Variants in ITGB2 observed in about 807,000 individuals in gnomAD.
ITGB2 encodes integrin subunit beta 2.
In ITGB2, 56 loss-of-function variants were observed where a neutral mutation model predicts 86.8. The ratio of observed to expected loss-of-function variants is 0.65; its 90% CI spans 0.52 to 0.81. ITGB2 has a LOEUF of 0.81. Among genes scored for constraint, ITGB2 ranks in the 30% least tolerant of loss-of-function variants. The pLI, the probability that ITGB2 is intolerant of heterozygous loss-of-function variation, is 0.00. For missense variants in ITGB2, 948 were observed against 1,061.2 expected (o/e 0.89, Z 1.48); for synonymous variants, 457 against 450.4 (o/e 1.01, Z -0.19).
At chr21:44,899,545 G>A (rs1018282311) in intron 7 of ITGB2, among the ~76,000 whole-genome samples, 6 of 114,094 alleles carry the variant, frequency 5.3e-5, no homozygotes, top group African/African-American at 2.4e-4. Context: ...TCCGGGACCC[G>A]AGGGCCGTCC....
In ITGB2 at chr21:44,901,479, G is replaced by C; in HGVS notation, c.741+13C>G. The C allele has an allele frequency of 6.2e-7, 1 of 1,613,350 alleles. No individual in the cohort carries two copies. The highest frequency in any genetic ancestry group is 1.7e-5 in the Admixed American group (1 of 59,962). ...GGGGAACGTGGGGACCCAAGCAGGG[G>C]CAGCGGCCTCACCGGGCAGGCGGCG... On this transcript the variant is annotated intron_variant, in intron 6 of 15. Coordinates refer to ENST00000652462, the MANE Select transcript of ITGB2 (RefSeq NM_000211.5).
At chr21:44,898,701 T>C (rs2083903577) in intron 8 of ITGB2, among the ~76,000 whole-genome samples, 3 of 152,252 alleles carry the variant, frequency 2.0e-5, no homozygotes, top group Non-Finnish European at 4.4e-5. Flanking sequence ...TTTTGTGTAA[T>C]TTTATCTTCA....
At chr21:44,925,996 T>A (rs1229898383) in intron 1 of ITGB2, among the ~76,000 whole-genome samples, 1 of 152,108 alleles carries the variant, frequency 6.6e-6, no homozygotes, top group East Asian at 1.9e-4. Flanking sequence ...TCCCAGCTAC[T>A]TGGGAGGCTG....
chr21:44,889,065 G>T, intron 13 of ITGB2, 170 bp from the exon 14 acceptor site: 1 of 709,278 alleles, frequency 1.4e-6, no homozygotes, highest in Non-Finnish European at 2.4e-6. Context: ...TGAACTGGAA[G>T]CCTGATCCCA....
At chr21:44,897,504 C>A (rs956725822) in intron 8 of ITGB2, among the ~76,000 whole-genome samples, 2 of 152,202 alleles carry the variant, frequency 1.3e-5, no homozygotes, top group Non-Finnish European at 2.9e-5. Flanking sequence ...TAATCGGGCC[C>A]TTTAGGGCGG....
intron 4 of ITGB2, 112 bp from the exon 5 acceptor site, chr21:44,903,647 A>C (rs981500664): frequency 4.3e-5 from 55 of 1,274,542 alleles, no homozygotes; most frequent in Middle Eastern, 2.2e-4. Context: ...CCAGCCCCCA[A>C]ATCCTCCTGA....
At chr21:44,907,813 G>A (rs1003927459) in intron 3 of ITGB2, among the ~76,000 whole-genome samples, 1 of 152,236 alleles carries the variant, frequency 6.6e-6, no homozygotes, top group Admixed American at 6.5e-5. Context: ...CCCGCAGGCA[G>A]GGGGGCAGGT....
chr21:44,899,102 AGATGGGCTG>A lies in ITGB2; in HGVS notation c.949_957del (p.Gln317_Ile319del). 1 of 1,614,200 alleles carries A rather than the reference AGATGGGCTG, an allele frequency of 6.2e-7. No individual in the cohort carries two copies. Among genetic ancestry groups the A allele is most frequent in the Non-Finnish European group, 8.5e-7 (1 of 1,180,008 alleles). On this transcript the variant is annotated inframe_deletion, in exon 8 of 16. Transcript: ENST00000652462. ...TTCACCATCCTACTGGTCACCGCGAAGATGGGCTGGATGTTGTTTTCAGCCAGCTTGTGC... is the reference window on the plus strand; with the variant it reads ...TTCACCATCCTACTGGTCACCGCGAAGATGTTGTTTTCAGCCAGCTTGTGC...
rs1375507291 is a variant in ITGB2, at chr21:44,901,525, C to A, written c.708G>T (p.Gly236=). 6.2e-7 allele frequency: 1 copy of A among 1,614,226 alleles called. No individual in the cohort carries two copies. The stretch of plus-strand genomic sequence containing the variant: ...CGGCGACCTGCATCATGGCGTCCAG[C>A]CCACCCTCGGGTGCATCCAGGTTTC... The part of the protein sequence containing the change: ...ISGNLDAPEG[G]LDAMMQVAAC... The change falls in exon 6 of 16, where the codon GGG becomes GGT. Residue 236 remains glycine, a synonymous_variant. Transcript: ENST00000652462.
At chr21:44,888,164 C>G (rs890248450) in intron 14 of ITGB2, among the ~76,000 whole-genome samples, 1 of 151,304 alleles carries the variant, frequency 6.6e-6, no homozygotes, top group African/African-American at 2.4e-5. Context: ...GTCAGTGCCA[C>G]CAAGGTCACT....
intron 4 of ITGB2, among the ~76,000 whole-genome samples, chr21:44,904,099 G>A (rs1010691338): frequency 3.9e-5 from 6 of 152,092 alleles, no homozygotes; most frequent in African/African-American, 1.2e-4. Context: ...TCCCAGAACC[G>A]TGCCTGGTAC....
chr21:44,918,861 C>T (rs2084249483), intron 1 of ITGB2, among the ~76,000 whole-genome samples: 1 of 132,196 alleles, frequency 7.6e-6, no homozygotes, highest in Admixed American at 7.4e-5. Flanking sequence ...GGAGGCCCTG[C>T]TTCTCCAGCC....
rs760026013 is a variant in ITGB2 at position 44,886,784 on chromosome 21, C to G, written c.2199G>C (p.Arg733=). The G allele has an allele frequency of 6.2e-7, 1 of 1,614,040 alleles. No individual in the cohort carries two copies. The highest frequency in any genetic ancestry group is 1.7e-5 in the Admixed American group (1 of 60,026). Reference sequence around the variant, plus strand: ...TCTCCTTCTCAAAGCGCCTGTACTCCCGGAGGTCGCTCAGGTGGATCAGAG... The same window carrying G: ...TCTCCTTCTCAAAGCGCCTGTACTCGCGGAGGTCGCTCAGGTGGATCAGAG... ...WKALIHLSDL[R]EYRRFEKEKL... is the part of the protein sequence containing the mutation. The change falls in exon 15 of 16, where the codon CGG becomes CGC. Residue 733 remains arginine (R), a synonymous_variant. Transcript: ENST00000652462.
At chr21:44,905,718 G>T (rs1431978359) in intron 4 of ITGB2, among the ~76,000 whole-genome samples, 1 of 152,120 alleles carries the variant, frequency 6.6e-6, no homozygotes, top group Non-Finnish European at 1.5e-5. Flanking sequence ...CCAGGGTGGG[G>T]TTTTGTCCCC....
At chr21:44,901,300 G>C (rs982870258) in intron 6 of ITGB2, among the ~76,000 whole-genome samples, 192 bp downstream of exon 6, 1 of 152,212 alleles carries the variant, frequency 6.6e-6, no homozygotes, top group Admixed American at 6.5e-5. Context: ...TCGAGCCCTC[G>C]TGGTCACCCT....
At chr21:44,920,000 T>C (rs967491355) in intron 1 of ITGB2, among the ~76,000 whole-genome samples, 1 of 152,128 alleles carries the variant, frequency 6.6e-6, no homozygotes, top group Admixed American at 6.5e-5. Context: ...CAGGAGCCTG[T>C]TGTGGGGAGG....
upstream of ITGB2, among the ~76,000 whole-genome samples, chr21:44,925,677 C>T (rs2084364324): frequency 6.6e-6 from 1 of 152,130 alleles, no homozygotes; most frequent in Non-Finnish European, 1.5e-5. Flanking sequence ...CCCAAAAGTA[C>T]TCAAACAGCA....
Position 44,890,070 on chromosome 21 carries a change from C to G in ITGB2, c.1565G>C (p.Ser522Thr). The change falls in exon 12 of 16, where the codon AGC (serine) becomes ACC (threonine). Residue 522 changes from serine to threonine, a missense_variant. Transcript: ENST00000652462. ...CVCGQCLCHT[S>T]DVPGKLIYGQ... The stretch of plus-strand genomic sequence containing the variant: ...GTATATCAGCTTGCCGGGGACGTCG[C>G]TGGTGTGGCACAGGCACTGCCCGCA... 1 of 1,613,522 alleles carries G rather than the reference C, an allele frequency of 6.2e-7. No homozygotes were observed.
At position 44,905,820 on chromosome 21, in the gene ITGB2, C is replaced by T. The variant is rs903896046; in HGVS notation, c.328+1095G>A. Reference sequence around the variant, plus strand: ...CACTGTCTCCCAGCTGCCTCCCTCCCGGCTGCTGCTGGCTGTCACCTGGCC... The same window carrying T: ...CACTGTCTCCCAGCTGCCTCCCTCCTGGCTGCTGCTGGCTGTCACCTGGCC... On this transcript the variant is annotated intron_variant, in intron 4 of 15. Transcript: ENST00000652462. 3.9e-5 allele frequency among the ~76,000 whole-genome samples: 6 copies of T among 152,306 alleles called. No individual in the cohort carries two copies. In the South Asian group the frequency reaches 6.2e-4, roughly 16 times the overall value.
Sources: gnomAD v4.1 joint callset for allele counts (sites outside exome capture counted in the v4.1 genomes callset) on GRCh38, gnomAD v4.1.1 for gene constraint, MANE v1.5 for transcripts, NCBI Gene and HGNC (gene_info 2026-07-23, HGNC 2026-07-21) for gene names.